CUBN: variants seen among roughly 807,000 people sequenced by gnomAD.
CUBN encodes the protein cubilin.
A neutral mutation model predicts 405.3 loss-of-function variants in CUBN; 282 were observed. The observed-to-expected ratio is 0.70, with a 90% CI of 0.63 to 0.77. The LOEUF (loss-of-function observed/expected upper bound fraction) is 0.77, where lower values mean the gene tolerates loss of function less well. Among genes scored for constraint, CUBN ranks in the 30% least tolerant of loss-of-function variants. The pLI, the probability that CUBN is intolerant of heterozygous loss-of-function variation, is 0.00. For synonymous variants in CUBN, 1,684 were observed against 1,617.0 expected (o/e 1.04, Z -0.99); for missense variants, 4,514 against 4,475.2 (o/e 1.01, Z -0.25).
At chr10:16,988,627 C>T (rs552435784) in intron 29 of CUBN, among the ~76,000 whole-genome samples, 1 of 152,206 alleles carries the variant, frequency 6.6e-6, no homozygotes, top group African/African-American at 2.4e-5. Flanking sequence ...AAAGTAATTC[C>T]TAGTGACTCT....
chr10:17,040,104 A>G (rs903879725), intron 27 of CUBN, among the ~76,000 whole-genome samples: 1 of 152,180 alleles, frequency 6.6e-6, no homozygotes, highest in Non-Finnish European at 1.5e-5. Flanking sequence ...GTTGCCAGCA[A>G]TGGATGTTGA....
Position 16,918,694 on chromosome 10 carries a change from C to T in CUBN, c.6928G>A (p.Glu2310Lys), listed in dbSNP as rs991477985. The change falls in exon 45 of 67, where the codon GAG becomes AAG. Residue 2310 changes from glutamate (E) to lysine (K), a missense_variant. Around this residue, in one of 5 missense-constraint regions of CUBN, gnomAD observed 1,613 missense variants for 1,542.8 expected, o/e 1.05. Coordinates refer to ENST00000377833, the MANE Select transcript of CUBN (RefSeq NM_001081.4). ...SLPSSQWSSG[E>K]VMYLRFRSDN... Reference sequence around the variant, plus strand: ...GATCGAAATCTCAAATACATAACCTCTCCTGAGGACCACTGACTGCTGGGC... The same window carrying T: ...GATCGAAATCTCAAATACATAACCTTTCCTGAGGACCACTGACTGCTGGGC... The T allele has an allele frequency of 6.2e-7, 1 of 1,612,812 alleles. No homozygotes were observed. Among genetic ancestry groups the T allele is most frequent in the Non-Finnish European group, 8.5e-7 (1 of 1,178,812 alleles).
chr10:16,860,234 A>T (rs796253069), intron 59 of CUBN, among the ~76,000 whole-genome samples: 4 of 152,346 alleles, frequency 2.6e-5, no homozygotes, highest in African/African-American at 9.6e-5. Flanking sequence ...ATTCTTCAAT[A>T]GAAAGGCATA....
chr10:17,112,757 G>C (rs572307409), intron 8 of CUBN, among the ~76,000 whole-genome samples: 1 of 151,888 alleles, frequency 6.6e-6, no homozygotes, highest in South Asian at 2.1e-4. Context: ...AGGTGTGTGG[G>C]GTTTCTTGGC....
rs1835592169 is a variant in CUBN, at chr10:17,065,401, A to G, written c.3139+107T>C. ...ACCCTTTATTCTAAATATAGCTCTC[A>G]TTGTGTGCCACAGGTTTGCGGATGA... On this transcript the variant is annotated intron_variant, in intron 22 of 66. Coordinates refer to ENST00000377833, the MANE Select transcript of CUBN (RefSeq NM_001081.4). 5.0e-6 allele frequency: 7 copies of G among 1,406,716 alleles called. No individual in the cohort carries two copies. The Admixed American group carries it at 1.2e-4, about 24-fold the overall frequency. The allele number at this position is 1,406,716 out of a possible 1,614,324, so 87.1% of individuals were successfully genotyped here.
intron 39 of CUBN, among the ~76,000 whole-genome samples, chr10:16,935,292 C>T (rs1842468296): frequency 6.6e-6 from 1 of 152,138 alleles, no homozygotes; most frequent in African/African-American, 2.4e-5. Flanking sequence ...GCTGGGACTA[C>T]AGGCATGCAC....
intron 22 of CUBN, among the ~76,000 whole-genome samples, chr10:17,054,206 C>T (rs1835335943): frequency 6.6e-6 from 1 of 151,674 alleles, no homozygotes; most frequent in Admixed American, 6.6e-5. Flanking sequence ...TGGCGAGCGC[C>T]TGTAATCCCA....
At chr10:16,962,985 G>T (rs763467048) in intron 31 of CUBN, among the ~76,000 whole-genome samples, 6 of 152,046 alleles carry the variant, frequency 3.9e-5, no homozygotes, top group Non-Finnish European at 7.4e-5. Context: ...ATGCTGTACT[G>T]CTCTTTGCAG....
In CUBN at chr10:16,888,573, G is replaced by A. The variant is rs1416028918; in HGVS notation, c.8756-7C>T. On this transcript the variant is annotated splice_region_variant and splice_polypyrimidine_tract_variant and intron_variant, in intron 55 of 66. Coordinates refer to ENST00000377833, the MANE Select transcript of CUBN (RefSeq NM_001081.4). ...GTGAAATTACTTCCACATCCTATGT[G>A]GGAACAAAAAGTCATCATCAGATCA... The A allele has an allele frequency of 6.2e-7, 1 of 1,612,646 alleles. No homozygotes were observed. Among genetic ancestry groups the A allele is most frequent in the South Asian group, 1.1e-5 (1 of 91,020 alleles).
chr10:16,876,543 T>G (rs1473226414), intron 57 of CUBN, among the ~76,000 whole-genome samples: 1 of 152,140 alleles, frequency 6.6e-6, no homozygotes, highest in Admixed American at 6.5e-5. Flanking sequence ...ATTAGCAAAA[T>G]GACTTGGGGA....
At chr10:17,016,910 C>A (rs1834342434) in intron 28 of CUBN, among the ~76,000 whole-genome samples, 1 of 152,134 alleles carries the variant, frequency 6.6e-6, no homozygotes, top group Non-Finnish European at 1.5e-5. Context: ...ACTCCATTTG[C>A]CTTCCCTCTT....
intron 28 of CUBN, among the ~76,000 whole-genome samples, chr10:17,007,984 C>A (rs1210952756): frequency 6.6e-6 from 1 of 152,066 alleles, no homozygotes; most frequent in Non-Finnish European, 1.5e-5. Context: ...GAAACCCTAT[C>A]TCTACAAAAA....
At chr10:17,047,650 A>G in intron 22 of CUBN, 47 bp from the exon 23 acceptor site, 1 of 1,485,944 alleles carries the variant, frequency 6.7e-7, no homozygotes, top group Non-Finnish European at 9.4e-7. Context: ...AAATATTGAT[A>G]TGTTTATAAT....
intron 31 of CUBN, among the ~76,000 whole-genome samples, chr10:16,967,669 A>C (rs951921822): frequency 5.3e-5 from 8 of 152,170 alleles, no homozygotes; most frequent in Admixed American, 2.0e-4. Context: ...GGGAGGGAAG[A>C]AAGAGAGAGT....
rs578220548 is a variant in CUBN, at chr10:17,121,366, TA to T, written c.593+1428del. 3.8e-4 allele frequency among the ~76,000 whole-genome samples: 58 copies of T among 151,912 alleles called. 1 individual carries two copies. The highest frequency in any genetic ancestry group is 7.8e-4 in the East Asian group (4 of 5,158). ...TTTAACATGGAATACTATGCAGCCA[TA>T]AAAAAATGATGAGTTCATGTCCTTT... On this transcript the variant is annotated intron_variant, in intron 6 of 66. Transcript: ENST00000377833.
intron 46 of CUBN, among the ~76,000 whole-genome samples, chr10:16,915,440 G>C (rs906526935): frequency 2.6e-5 from 4 of 152,176 alleles, no homozygotes; most frequent in African/African-American, 9.7e-5. Context: ...AAAATGATCT[G>C]AGACAACAGT....
chr10:17,100,589 C>T (rs1246045261), intron 13 of CUBN, among the ~76,000 whole-genome samples: 3 of 152,112 alleles, frequency 2.0e-5, no homozygotes, highest in Middle Eastern at 3.2e-3. Flanking sequence ...TGAAAATCTA[C>T]CTGAATTAAG....
In CUBN at chr10:17,108,266, CA is replaced by C. The variant is rs150293918; in HGVS notation, c.1111+1373del. Among the ~76,000 whole-genome samples, 986 of 152,246 alleles carry C rather than the reference CA, an allele frequency of 6.5e-3. 10 individuals carry two copies. Among genetic ancestry groups the C allele is most frequent in the South Asian group, 0.02 (98 of 4,818 alleles). Reference sequence around the variant, plus strand: ...ATTAAGTGTCTTCACTGAGGACAAGCAGCTAAAATCTGGTGGAGCCCAGGGA... The same window carrying C: ...ATTAAGTGTCTTCACTGAGGACAAGCGCTAAAATCTGGTGGAGCCCAGGGA... On this transcript the variant is annotated intron_variant, in intron 10 of 66. Coordinates refer to ENST00000377833, the MANE Select transcript of CUBN (RefSeq NM_001081.4).
intron 39 of CUBN, among the ~76,000 whole-genome samples, chr10:16,937,189 A>C (rs1258180274): frequency 6.6e-6 from 1 of 152,218 alleles, no homozygotes; most frequent in Non-Finnish European, 1.5e-5. Context: ...AGCATTTCTG[A>C]AGCTACATTT....
Sources: gnomAD v4.1 joint callset for allele counts (sites outside exome capture counted in the v4.1 genomes callset) on GRCh38, gnomAD v4.1.1 for gene constraint, gnomAD v4.1.1 regional missense constraint, MANE v1.5 for transcripts, NCBI Gene and HGNC (gene_info 2026-07-23, HGNC 2026-07-21) for gene names.